Variants in PATJ observed in about 807,000 individuals in gnomAD.
PATJ encodes the protein inaD-like protein.
PATJ carries 190 observed loss-of-function variants against 224.9 expected under a neutral mutation model. The observed-to-expected ratio is 0.84, with a 90% CI of 0.75 to 0.95. The LOEUF (loss-of-function observed/expected upper bound fraction) is 0.95, where lower values mean the gene tolerates loss of function less well. PATJ is among the 40% of genes least tolerant of loss of function. The pLI, the probability that PATJ is intolerant of heterozygous loss-of-function variation, is 0.00. For synonymous variants in PATJ, 769 were observed against 820.3 expected (o/e 0.94, Z 1.07); for missense variants, 2,121 against 2,270.3 (o/e 0.93, Z 1.34).
chr1:62,133,920 T>G (rs1666532144), intron 41 of PATJ, among the ~76,000 whole-genome samples: 1 of 151,886 alleles, frequency 6.6e-6, no homozygotes, highest in Non-Finnish European at 1.5e-5. Context: ...CTAATTTTTG[T>G]ATTTTAGTAG....
intron 24 of PATJ, among the ~76,000 whole-genome samples, chr1:61,906,664 A>T (rs1438112246): frequency 6.6e-6 from 1 of 151,826 alleles, no homozygotes; most frequent in Non-Finnish European, 1.5e-5. Context: ...TGTGCTTCCT[A>T]CTGTTGATCC....
intron 34 of PATJ, among the ~76,000 whole-genome samples, chr1:62,109,920 A>T (rs1002318631): frequency 2.6e-5 from 4 of 152,130 alleles, no homozygotes; most frequent in African/African-American, 2.4e-5. Context: ...GGATTTTTTT[A>T]AACTATTTCT....
intron 27 of PATJ, among the ~76,000 whole-genome samples, chr1:61,964,673 T>C (rs2482889): frequency 0.86 from 130,787 of 151,764 alleles, 56,389 homozygotes; most frequent in Admixed American, 0.9. Flanking sequence ...TTTGTAGTCC[T>C]AACTACTGGG....
intron 28 of PATJ, among the ~76,000 whole-genome samples, chr1:62,000,050 G>A (rs1410851188): frequency 1.3e-5 from 2 of 151,674 alleles, no homozygotes; most frequent in Non-Finnish European, 2.9e-5. Flanking sequence ...CACCATGCCC[G>A]GCTAATTTTT....
intron 28 of PATJ, among the ~76,000 whole-genome samples, chr1:62,010,928 G>T (rs931463718): frequency 6.6e-6 from 1 of 152,146 alleles, no homozygotes; most frequent in African/African-American, 2.4e-5. Context: ...GCTTCTCCTT[G>T]CATTTTATGA....
rs1230185130 is a variant in PATJ at position 62,139,938 on chromosome 1, T to TTTG, written c.5272-8344_5272-8342dup. ...CCACGCCCAGCTAATTTTTGTATTT[T>TTTG]TTGTAGAGTCAGGGTCTCACCATGT... On this transcript the variant is annotated intron_variant, in intron 41 of 43. Coordinates refer to ENST00000642238, the MANE Select transcript of PATJ (RefSeq NM_001350145.3). Among the ~76,000 whole-genome samples, 3 of 152,090 alleles carry TTTG rather than the reference T, an allele frequency of 2.0e-5. No homozygotes were observed. In the East Asian group the frequency reaches 5.8e-4, roughly 29 times the overall value.
At chr1:62,024,863 G>A (rs1027680882) in intron 29 of PATJ, among the ~76,000 whole-genome samples, 1 of 152,140 alleles carries the variant, frequency 6.6e-6, no homozygotes, top group Non-Finnish European at 1.5e-5. Flanking sequence ...TTGGAAGCAA[G>A]CAATGTGAGT....
Position 61,768,207 on chromosome 1 carries a change from C to T in PATJ, c.385-1076C>T, listed in dbSNP as rs568262271. ...CAATTGGGCTGCGCATGGTGACTCA[C>T]GCCTGTAATCCCAGCACTTTGGGAG... On this transcript the variant is annotated intron_variant, in intron 4 of 43. Coordinates refer to ENST00000642238, the MANE Select transcript of PATJ (RefSeq NM_001350145.3). Among the ~76,000 whole-genome samples the T allele has an allele frequency of 2.6e-3, 393 of 152,136 alleles. 1 individual carries two copies. Among genetic ancestry groups the T allele is most frequent in the African/African-American group, 8.7e-3 (361 of 41,536 alleles).
In PATJ at chr1:62,163,506, A is replaced by ACAT; in HGVS notation, c.*2453_*2455dup. 1 of 152,740 alleles carries ACAT rather than the reference A, an allele frequency of 6.5e-6. No individual in the cohort carries two copies. The highest frequency in any genetic ancestry group is 2.4e-5 in the African/African-American group (1 of 41,568). 9.5% of individuals were successfully genotyped at this position (152,740 alleles called of 1,614,324 possible). A position where few individuals can be genotyped will look rare whatever the true frequency, so the allele number is the denominator to read the frequency against. ...CATTAAATACACATTTTGAGATAATACATTGTTGTGGTGTTTCTTTATACA... is the reference window on the plus strand; with the variant it reads ...CATTAAATACACATTTTGAGATAATACATCATTGTTGTGGTGTTTCTTTATACA... On this transcript the variant is annotated 3_prime_UTR_variant, in exon 44 of 44. Coordinates refer to ENST00000642238, the MANE Select transcript of PATJ (RefSeq NM_001350145.3).
chr1:62,011,594 T>C (rs937614997), intron 28 of PATJ, among the ~76,000 whole-genome samples: 1 of 151,944 alleles, frequency 6.6e-6, no homozygotes, highest in African/African-American at 2.4e-5. Flanking sequence ...AGAATAATAA[T>C]GTAAAAGTTT....
At chr1:61,863,405 A>G (rs765324676) in intron 19 of PATJ, among the ~76,000 whole-genome samples, 13 of 152,212 alleles carry the variant, frequency 8.5e-5, no homozygotes, top group Non-Finnish European at 1.8e-4. Context: ...AGAAAAGAAT[A>G]GATTTATTCC....
intron 18 of PATJ, among the ~76,000 whole-genome samples, chr1:61,859,012 G>A (rs1470400522): frequency 6.6e-6 from 1 of 152,160 alleles, no homozygotes; most frequent in Non-Finnish European, 1.5e-5. Context: ...AACTATTAAT[G>A]TTTTTATGGG....
chr1:61,862,492 C>A (rs570987859), intron 19 of PATJ, among the ~76,000 whole-genome samples: 1 of 152,150 alleles, frequency 6.6e-6, no homozygotes, highest in Non-Finnish European at 1.5e-5. Flanking sequence ...CCACCACGCC[C>A]AGCCTATTTT....
In PATJ at chr1:61,942,137, T is replaced by A. The variant is rs559948251; in HGVS notation, c.3670+14308T>A. On this transcript the variant is annotated intron_variant, in intron 27 of 43. Coordinates refer to ENST00000642238, the MANE Select transcript of PATJ (RefSeq NM_001350145.3). Reference sequence around the variant, plus strand: ...AAGCTGAACTTTGCAGGATTCCTAGTATTTTTTCTTTTATTGAAAAAAGTA... The same window carrying A: ...AAGCTGAACTTTGCAGGATTCCTAGAATTTTTTCTTTTATTGAAAAAAGTA... 1.7e-3 allele frequency among the ~76,000 whole-genome samples: 264 copies of A among 152,348 alleles called. 3 individuals are homozygous for A. The highest frequency in any genetic ancestry group is 3.0e-3 in the Non-Finnish European group (203 of 68,028).
At chr1:61,787,260 A>G (rs907664248) in intron 7 of PATJ, among the ~76,000 whole-genome samples, 3 of 152,304 alleles carry the variant, frequency 2.0e-5, no homozygotes, top group Non-Finnish European at 2.9e-5. Flanking sequence ...AAGATGCCCT[A>G]TACTGTCTGA....
chr1:61,839,305 G>C (rs997029229), intron 17 of PATJ, among the ~76,000 whole-genome samples: 1 of 151,842 alleles, frequency 6.6e-6, no homozygotes, highest in African/African-American at 2.4e-5. Context: ...TAAGCTACTA[G>C]ATAGTATTCT....
At chr1:62,054,011 A>C (rs957881171) in intron 31 of PATJ, among the ~76,000 whole-genome samples, 1 of 152,196 alleles carries the variant, frequency 6.6e-6, no homozygotes, top group Non-Finnish European at 1.5e-5. Flanking sequence ...GAAGATAGAC[A>C]GTACATCAAT....
chr1:61,908,823 A>T (rs887346091), intron 25 of PATJ, among the ~76,000 whole-genome samples: 2 of 152,208 alleles, frequency 1.3e-5, no homozygotes, highest in African/African-American at 2.4e-5. Context: ...CTTTGAACAG[A>T]GGGTCAGGTG....
At chr1:62,060,526 C>T (rs1655252681) in intron 31 of PATJ, among the ~76,000 whole-genome samples, 2 of 152,190 alleles carry the variant, frequency 1.3e-5, no homozygotes, top group Admixed American at 1.3e-4. Flanking sequence ...CAGTACCATA[C>T]TTGGCTAATT....
Sources: gnomAD v4.1 joint callset for allele counts (sites outside exome capture counted in the v4.1 genomes callset) on GRCh38, gnomAD v4.1.1 for gene constraint, MANE v1.5 for transcripts, NCBI Gene and HGNC (gene_info 2026-07-23, HGNC 2026-07-21) for gene names.